ROBO2: variants seen among roughly 807,000 people sequenced by gnomAD.
ROBO2 encodes roundabout guidance receptor 2.
Under a neutral mutation model 160.8 loss-of-function variants are expected in ROBO2, and 53 were observed. The ratio of observed to expected loss-of-function variants is 0.33; its 90% CI spans 0.26 to 0.41. The LOEUF (loss-of-function observed/expected upper bound fraction) is 0.41. Ranked by LOEUF, ROBO2 falls within the 10% of genes least tolerant of loss-of-function variation. The probability of loss-of-function intolerance (pLI) is 1.00; values close to 1 mark genes in which losing one functional copy is unlikely to be tolerated. For missense variants in ROBO2, 1,577 were observed against 1,722.4 expected, an observed-to-expected ratio of 0.92 and a Z score of 1.49; for synonymous variants, 664 against 611.7, an observed-to-expected ratio of 1.09 and a Z score of -1.26.
intron 2 of ROBO2, among the ~76,000 whole-genome samples, chr3:77,401,263 TAA>T (rs5850329): frequency 6.8e-6 from 1 of 147,730 alleles, no homozygotes; most frequent in African/African-American, 2.5e-5. Flanking sequence ...TGTTTGTATT[TAA>T]AAAAAAAAAA....
intron 2 of ROBO2, among the ~76,000 whole-genome samples, chr3:76,685,210 TCCAG>T (rs1560373732): frequency 3.6e-5 from 5 of 139,796 alleles, no homozygotes; most frequent in African/African-American, 1.1e-4. Flanking sequence ...TTTTTTTTTT[TCCAG>T]TAATTTCAGC....
intron 23 of ROBO2, chr3:77,629,916 C>A (rs1028057590): frequency 6.6e-6 from 1 of 152,122 alleles, no homozygotes; most frequent in South Asian, 2.1e-4. Flanking sequence ...AGTTCCTAAT[C>A]TCCAGAATTC....
intron 2 of ROBO2, among the ~76,000 whole-genome samples, chr3:77,405,416 T>C (rs1047688053): frequency 6.6e-6 from 1 of 152,084 alleles, no homozygotes; most frequent in Non-Finnish European, 1.5e-5. Flanking sequence ...AAATTAAAAA[T>C]ATCATAGTAC....
At chr3:76,511,493 T>G (rs1286366114) in intron 2 of ROBO2, among the ~76,000 whole-genome samples, 1 of 152,218 alleles carries the variant, frequency 6.6e-6, no homozygotes, top group African/African-American at 2.4e-5. Context: ...TTTCCCAAAA[T>G]GTGGCTTTAT....
At chr3:77,296,984 C>T (rs2153407302) in intron 2 of ROBO2, among the ~76,000 whole-genome samples, 1 of 152,164 alleles carries the variant, frequency 6.6e-6, no homozygotes, top group East Asian at 1.9e-4. Flanking sequence ...TCTGTATGTA[C>T]CTTTAAATGG....
At chr3:76,446,890 T>C (rs1221312579) in intron 2 of ROBO2, among the ~76,000 whole-genome samples, 4 of 152,114 alleles carry the variant, frequency 2.6e-5, no homozygotes, top group Non-Finnish European at 4.4e-5. Context: ...AAAAATTAAT[T>C]CAAGGTGGAT....
At chr3:77,366,647 G>T (rs1053355657) in intron 2 of ROBO2, among the ~76,000 whole-genome samples, 1 of 152,130 alleles carries the variant, frequency 6.6e-6, no homozygotes, top group East Asian at 1.9e-4. Context: ...AGTTCTGAAG[G>T]CTGTACAAGA....
intron 2 of ROBO2, among the ~76,000 whole-genome samples, chr3:77,110,855 A>T (rs1054258177): frequency 3.6e-4 from 55 of 152,070 alleles, no homozygotes; most frequent in African/African-American, 1.2e-3. Flanking sequence ...CACCAAGCCC[A>T]GCCAATTTTT....
chr3:76,128,551 A>G (rs182890980), intron 2 of ROBO2, among the ~76,000 whole-genome samples: 15 of 151,016 alleles, frequency 9.9e-5, no homozygotes, highest in East Asian at 7.9e-4. Context: ...TAGTCGCTGT[A>G]TCTAAAAAAA....
intron 5 of ROBO2, among the ~76,000 whole-genome samples, chr3:77,505,124 G>C (rs912683952): frequency 6.6e-6 from 1 of 152,124 alleles, no homozygotes; most frequent in African/African-American, 2.4e-5. Context: ...ACCATAAAAT[G>C]GGGATTAATT....
At chr3:76,058,866 T>C (rs2067960019) in intron 2 of ROBO2, among the ~76,000 whole-genome samples, 3 of 142,730 alleles carry the variant, frequency 2.1e-5, no homozygotes, top group African/African-American at 7.9e-5. Flanking sequence ...GTTCTCATTG[T>C]TCAATTCCCA....
At chr3:76,388,793 T>C (rs547733694) in intron 2 of ROBO2, among the ~76,000 whole-genome samples, 7 of 152,300 alleles carry the variant, frequency 4.6e-5, no homozygotes, top group Non-Finnish European at 1.0e-4. Context: ...TCTTTCCATC[T>C]ATCCATTTAT....
intron 2 of ROBO2, among the ~76,000 whole-genome samples, chr3:76,318,752 T>A (rs1372365251): frequency 6.6e-6 from 1 of 152,114 alleles, no homozygotes; most frequent in African/African-American, 2.4e-5. Flanking sequence ...TTTTTTAGTT[T>A]TCAAATTCAA....
chr3:77,011,340 A>G (rs928756115), intron 2 of ROBO2, among the ~76,000 whole-genome samples: 2 of 152,120 alleles, frequency 1.3e-5, no homozygotes, highest in Non-Finnish European at 2.9e-5. Context: ...ATAAATGTCA[A>G]TTTTTCACAT....
At position 76,895,235 on chromosome 3, in the gene ROBO2, A is replaced by C. The variant is rs534755933; in HGVS notation, c.110-202779A>C. ...TTAGCTTTAAAAGGAAAGCTTATAA[A>C]GGTAGCAAACAACTCCTTCGGGTAA... On this transcript the variant is annotated intron_variant, in intron 2 of 26. Transcript: ENST00000487694. Among the ~76,000 whole-genome samples, 25 of 152,154 alleles carry C rather than the reference A, an allele frequency of 1.6e-4. No individual in the cohort carries two copies. The South Asian group carries it at 4.8e-3, about 29-fold the overall frequency.
intron 2 of ROBO2, among the ~76,000 whole-genome samples, chr3:76,097,030 G>T (rs892642176): frequency 1.3e-5 from 2 of 152,084 alleles, no homozygotes; most frequent in African/African-American, 4.8e-5. Flanking sequence ...TAGATTGTCT[G>T]CTACATTACT....
intron 2 of ROBO2, among the ~76,000 whole-genome samples, chr3:76,633,643 A>G (rs1178058070): frequency 1.3e-5 from 2 of 152,208 alleles, no homozygotes; most frequent in African/African-American, 4.8e-5. Context: ...ATGGTTTCCC[A>G]AGCACTTTCT....
At chr3:76,653,074 T>TTTTTG (rs922576910) in intron 2 of ROBO2, among the ~76,000 whole-genome samples, 21 of 152,076 alleles carry the variant, frequency 1.4e-4, no homozygotes, top group African/African-American at 4.3e-4. Flanking sequence ...CATTTTGCTT[T>TTTTTG]TTTTGTTTTG....
At chr3:76,723,933 G>A (rs947666718) in intron 2 of ROBO2, among the ~76,000 whole-genome samples, 9 of 152,078 alleles carry the variant, frequency 5.9e-5, no homozygotes, top group Admixed American at 5.9e-4. Context: ...TGCATCACAA[G>A]CTCTCCAAAC....
Sources: gnomAD v4.1 joint callset for allele counts (sites outside exome capture counted in the v4.1 genomes callset) on GRCh38, gnomAD v4.1.1 for gene constraint, MANE v1.5 for transcripts, NCBI Gene and HGNC (gene_info 2026-07-23, HGNC 2026-07-21) for gene names.